CDH18: variants seen among roughly 807,000 people sequenced by gnomAD.
CDH18 encodes cadherin-18.
In CDH18, 31 loss-of-function variants were observed where a neutral mutation model predicts 67.9. The observed-to-expected ratio is 0.46, with a 90% CI of 0.34 to 0.62. The LOEUF (loss-of-function observed/expected upper bound fraction) is 0.62. Ranked by LOEUF, CDH18 falls within the 20% of genes least tolerant of loss-of-function variation. The probability of loss-of-function intolerance (pLI) is 0.01; values close to 1 mark genes in which losing one functional copy is unlikely to be tolerated. For missense variants in CDH18, 890 were observed against 975.5 expected (o/e 0.91, Z 1.17); for synonymous variants, 362 against 347.2 (o/e 1.04, Z -0.48).
At chr5:20,020,996 G>A in intron 2 of CDH18, among the ~76,000 whole-genome samples, 1 of 151,812 alleles carries the variant, frequency 6.6e-6, no homozygotes, top group Non-Finnish European at 1.5e-5. Context: ...CCGGGGTGAA[G>A]GTTCTCAAGG....
chr5:20,303,456 A>G (rs1736117872), intron 1 of CDH18, among the ~76,000 whole-genome samples: 2 of 152,320 alleles, frequency 1.3e-5, no homozygotes, highest in South Asian at 2.1e-4. Flanking sequence ...CTCGTGAAGC[A>G]GCCCACAGGG....
chr5:20,021,519 T>C (rs990794581), intron 2 of CDH18, among the ~76,000 whole-genome samples: 2 of 152,120 alleles, frequency 1.3e-5, no homozygotes, highest in African/African-American at 2.4e-5. Context: ...CCCCTTGCTG[T>C]TCTCATGATA....
At position 19,473,855 on chromosome 5, in the gene CDH18, C is replaced by T. The variant is rs552051581; in HGVS notation, c.1883-139G>A. On this transcript the variant is annotated intron_variant, in intron 12 of 12. Coordinates refer to ENST00000382275, the MANE Select transcript of CDH18 (RefSeq NM_004934.5). Reference sequence around the variant, plus strand: ...TAGGCTGGCATTGCAGCACAACTCACTCTGTGCTCTCTGAATAACACCGCA... The same window carrying T: ...TAGGCTGGCATTGCAGCACAACTCATTCTGTGCTCTCTGAATAACACCGCA... 1,332 of 699,184 alleles carry T rather than the reference C, an allele frequency of 1.9e-3. 7 individuals carry two copies. The highest frequency in any genetic ancestry group is 2.8e-3 in the Non-Finnish European group (1,159 of 407,754). The allele number at this position is 699,184 out of a possible 1,614,324, so 43.3% of individuals were successfully genotyped here.
At chr5:20,114,328 C>A (rs1561801661) in intron 2 of CDH18, among the ~76,000 whole-genome samples, 1 of 152,000 alleles carries the variant, frequency 6.6e-6, no homozygotes, top group East Asian at 1.9e-4. Context: ...TATATAATAT[C>A]CCCCAAAAAG....
intron 1 of CDH18, among the ~76,000 whole-genome samples, chr5:20,484,813 G>A (rs967381175): frequency 2.6e-5 from 4 of 151,918 alleles, no homozygotes; most frequent in Middle Eastern, 3.2e-3. Context: ...GGGTAGTGGC[G>A]GGATAATTAA....
intron 5 of CDH18, among the ~76,000 whole-genome samples, chr5:19,647,281 G>A (rs2150249213): frequency 6.6e-6 from 1 of 152,004 alleles, no homozygotes; most frequent in African/African-American, 2.4e-5. Flanking sequence ...CCAGCACTTT[G>A]GTAGGCCGAA....
At chr5:19,574,158 C>T (rs962921886) in intron 7 of CDH18, among the ~76,000 whole-genome samples, 4 of 152,198 alleles carry the variant, frequency 2.6e-5, no homozygotes, top group Non-Finnish European at 5.9e-5. Flanking sequence ...TCCAAGATGA[C>T]ACACATCTCT....
chr5:20,511,808 G>A (rs777209088), intron 1 of CDH18, among the ~76,000 whole-genome samples: 2 of 152,094 alleles, frequency 1.3e-5, no homozygotes, highest in Admixed American at 1.3e-4. Flanking sequence ...TTCCTATACA[G>A]TGTTTTGTTT....
intron 9 of CDH18, 114 bp from the exon 10 acceptor site, chr5:19,520,892 A>G: frequency 8.6e-7 from 1 of 1,162,308 alleles, no homozygotes; most frequent in African/African-American, 1.6e-5. Flanking sequence ...CCATAGCTGG[A>G]CTTTTGGCAA....
chr5:19,898,121 A>G (rs1456194826), intron 2 of CDH18, among the ~76,000 whole-genome samples: 1 of 151,990 alleles, frequency 6.6e-6, no homozygotes, highest in Non-Finnish European at 1.5e-5. Flanking sequence ...GCATTTATAG[A>G]CTTGGGAATT....
At chr5:20,049,511 T>C (rs764279046) in intron 2 of CDH18, among the ~76,000 whole-genome samples, 4 of 151,666 alleles carry the variant, frequency 2.6e-5, no homozygotes, top group Admixed American at 6.6e-5. Context: ...AAAACGTACA[T>C]AAAATGTTAA....
At chr5:19,711,410 C>T (rs750010134) in intron 5 of CDH18, among the ~76,000 whole-genome samples, 11 of 151,614 alleles carry the variant, frequency 7.3e-5, no homozygotes, top group Non-Finnish European at 1.3e-4. Context: ...ACAACAACAA[C>T]AACAACAACA....
chr5:19,887,971 T>C (rs192591430), intron 2 of CDH18, among the ~76,000 whole-genome samples: 3 of 152,248 alleles, frequency 2.0e-5, no homozygotes, highest in South Asian at 2.1e-4. Flanking sequence ...AGGCCATGCA[T>C]ACACAATTGC....
chr5:19,481,712 T>G (rs1739447250), intron 12 of CDH18, among the ~76,000 whole-genome samples: 1 of 152,194 alleles, frequency 6.6e-6, no homozygotes, highest in Non-Finnish European at 1.5e-5. Flanking sequence ...CACTTTAATA[T>G]CCACTCCATC....
intron 2 of CDH18, among the ~76,000 whole-genome samples, chr5:19,885,177 T>C (rs1487358183): frequency 1.3e-5 from 2 of 152,200 alleles, no homozygotes; most frequent in African/African-American, 4.8e-5. Flanking sequence ...GTTCAAAATC[T>C]AGCTCTATCT....
intron 1 of CDH18, among the ~76,000 whole-genome samples, chr5:20,485,100 G>A (rs1212516771): frequency 1.3e-5 from 2 of 152,118 alleles, no homozygotes; most frequent in Non-Finnish European, 2.9e-5. Flanking sequence ...TGGAAAATAA[G>A]TGGAGCAGTT....
chr5:20,051,220 T>C (rs148522944), intron 2 of CDH18, among the ~76,000 whole-genome samples: 23 of 152,068 alleles, frequency 1.5e-4, no homozygotes, highest in Admixed American at 2.6e-4. Flanking sequence ...GAAAGTTGTG[T>C]GATACATTAA....
At chr5:20,209,797 T>C (rs965490971) in intron 2 of CDH18, among the ~76,000 whole-genome samples, 2 of 144,812 alleles carry the variant, frequency 1.4e-5, no homozygotes, top group Non-Finnish European at 3.0e-5. Flanking sequence ...CTGAAGATAC[T>C]GGGGAGCCCA....
intron 2 of CDH18, among the ~76,000 whole-genome samples, chr5:20,176,093 C>A (rs532277308): frequency 6.6e-6 from 1 of 152,152 alleles, no homozygotes; most frequent in Non-Finnish European, 1.5e-5. Context: ...CAGCCATCTG[C>A]ATAATTCAGG....
Sources: allele counts gnomAD v4.1 joint callset (sites outside exome capture counted in the v4.1 genomes callset), GRCh38; gene constraint gnomAD v4.1.1; transcripts MANE v1.5; gene names NCBI Gene and HGNC (gene_info 2026-07-23, HGNC 2026-07-21).